UTY: variants seen among roughly 807,000 people sequenced by gnomAD.
The protein encoded by UTY is ubiquitously transcribed tetratricopeptide repeat containing, Y-linked.
In UTY, 12 loss-of-function variants were observed where a neutral mutation model predicts 32.5. The ratio of observed to expected loss-of-function variants is 0.37; its 90% CI spans 0.24 to 0.60. UTY has a LOEUF of 0.60. Ranked by LOEUF, UTY falls within the 20% of genes least tolerant of loss-of-function variation. UTY has a pLI of 0.69. For missense variants in UTY, 303 were observed against 299.2 expected (o/e 1.01, Z -0.09); for synonymous variants, 131 against 103.4 (o/e 1.27, Z -1.62).
Position 13,477,986 on chromosome Y carries a change from TTAC to T in UTY, c.216+1265_216+1267del, listed in dbSNP as rs1569514296. Among the ~76,000 whole-genome samples, 128 of 33,444 alleles carry T rather than the reference TTAC, an allele frequency of 3.8e-3. No homozygotes were observed. The East Asian group carries it at 0.097, about 25-fold the overall frequency. 89.7% of individuals were successfully genotyped at this position (33,444 alleles called of 37,273 possible). A position where few individuals can be genotyped will look rare whatever the true frequency, so the allele number is the denominator to read the frequency against. On this transcript the variant is annotated intron_variant, in intron 2 of 29. Transcript: ENST00000545955. The stretch of plus-strand genomic sequence containing the variant: ...TACACATTATACATACATATATATA[TTAC>T]ATTTTAGTTTTCTGATCAGTATTTG...
Position 13,359,754 on chromosome Y carries a change from T to C in UTY, c.1185+13A>G. 2.6e-6 allele frequency: 1 copy of C among 378,059 alleles called. No homozygotes were observed. Among genetic ancestry groups the C allele is most frequent in the Non-Finnish European group, 3.7e-6 (1 of 268,704 alleles). 94.3% of individuals were successfully genotyped at this position (378,059 alleles called of 400,897 possible). ...ATACGTGTCATTTAAAATATACTATTTAAAATTTTTACCTGTAGAAATTTA... is the reference window on the plus strand; with the variant it reads ...ATACGTGTCATTTAAAATATACTATCTAAAATTTTTACCTGTAGAAATTTA... On this transcript the variant is annotated intron_variant, in intron 12 of 29. Coordinates refer to ENST00000545955, the MANE Select transcript of UTY (RefSeq NM_001258249.2).
At chrY:13,383,580 CA>C (rs751638858) in intron 8 of UTY, among the ~76,000 whole-genome samples, 60 of 8,954 alleles carry the variant, frequency 6.7e-3, no homozygotes, top group African/African-American at 0.026. Context: ...AGACCCATCT[CA>C]AAAAAAAAAA....
chrY:13,286,545 A>G, intron 27 of UTY: 1 of 311,224 alleles, frequency 3.2e-6, no homozygotes. Flanking sequence ...CCAAAAATGT[A>G]ACCTTAAAAT....
intron 27 of UTY, among the ~76,000 whole-genome samples, chrY:13,270,604 A>G (rs2056240228): frequency 3.0e-5 from 1 of 32,897 alleles, no homozygotes; most frequent in Non-Finnish European, 7.5e-5. Context: ...AAATTTCAAC[A>G]TACTCTTTTT....
At chrY:13,273,833 T>C (rs968162775) in intron 27 of UTY, among the ~76,000 whole-genome samples, 15 of 31,364 alleles carry the variant, frequency 4.8e-4, no homozygotes, top group Admixed American at 2.1e-3. Context: ...ATATTATATA[T>C]AAAATTTTAA....
At chrY:13,253,908 C>T (rs911266159) in intron 28 of UTY, among the ~76,000 whole-genome samples, 1 of 32,592 alleles carries the variant, frequency 3.1e-5, no homozygotes, top group Admixed American at 2.8e-4. Flanking sequence ...ACTGGTCATG[C>T]GGGATGATGC....
intron 2 of UTY, among the ~76,000 whole-genome samples, chrY:13,476,659 C>A (rs1018797501): frequency 6.0e-5 from 2 of 33,420 alleles, no homozygotes; most frequent in African/African-American, 2.3e-4. Context: ...TATTTAAATA[C>A]GAGCAAGTTA....
At chrY:13,312,049 C>T in intron 21 of UTY, among the ~76,000 whole-genome samples, 1 of 33,553 alleles carries the variant, frequency 3.0e-5, no homozygotes, top group African/African-American at 1.2e-4. Context: ...AACAAATGAC[C>T]GCACTAAAAA....
At chrY:13,360,932 C>G in intron 10 of UTY, among the ~76,000 whole-genome samples, 1 of 33,183 alleles carries the variant, frequency 3.0e-5, no homozygotes, top group Non-Finnish European at 7.5e-5. Context: ...ATTTAATAGT[C>G]CCCTTCCACT....
At chrY:13,258,602 T>C (rs2054991925) in intron 28 of UTY, among the ~76,000 whole-genome samples, 1 of 33,966 alleles carries the variant, frequency 2.9e-5, no homozygotes, top group Non-Finnish European at 7.3e-5. Context: ...ATTTAAAACA[T>C]CCCAGGCACA....
At chrY:13,466,974 C>T (rs2077963687) in intron 3 of UTY, among the ~76,000 whole-genome samples, 1 of 34,266 alleles carries the variant, frequency 2.9e-5, no homozygotes, top group South Asian at 6.5e-4. Flanking sequence ...GGCACAATCT[C>T]AGCTCACTGC....
intron 5 of UTY, among the ~76,000 whole-genome samples, chrY:13,412,390 T>C: frequency 3.0e-5 from 1 of 33,329 alleles, no homozygotes; most frequent in South Asian, 6.6e-4. Context: ...TCTAAAATTA[T>C]GTATATTCCA....
intron 28 of UTY, among the ~76,000 whole-genome samples, chrY:13,258,433 A>G: frequency 5.9e-5 from 2 of 34,042 alleles, no homozygotes; most frequent in Non-Finnish European, 1.5e-4. Flanking sequence ...GTGGCACCTC[A>G]ACCTCAAATG....
intron 8 of UTY, among the ~76,000 whole-genome samples, chrY:13,389,033 G>A: frequency 6.3e-5 from 2 of 31,921 alleles, no homozygotes; most frequent in Non-Finnish European, 1.5e-4. Context: ...GACTAATAAA[G>A]CCATCCTAAG....
intron 2 of UTY, 188 bp downstream of exon 2, chrY:13,479,066 A>T: frequency 7.8e-6 from 1 of 128,174 alleles, no homozygotes. Flanking sequence ...TTTTTTCCTC[A>T]GAGTAGAAGG....
chrY:13,355,351 G>T lies in UTY; in HGVS notation c.1713C>A (p.Asn571Lys). The change falls in exon 17 of 30, where the codon AAC becomes AAA. Residue 571 changes from asparagine (N) to lysine (K), a missense_variant. Physicochemically the swap from Asn to Lys is moderately conservative, Grantham distance 94. Coordinates refer to ENST00000545955, the MANE Select transcript of UTY (RefSeq NM_001258249.2). ...VAQVRTTGIH[N>K]GAITDSSLPT... ...GCAGTGATGAATCAGTTATGGCCCC[G>T]TTATGAATTCCAGTAGTTCGTACCT... The T allele has an allele frequency of 2.5e-6, 1 of 398,466 alleles. No homozygotes were observed. The highest frequency in any genetic ancestry group is 3.5e-6 in the Non-Finnish European group (1 of 283,353).
chrY:13,315,582 T>G, intron 21 of UTY, among the ~76,000 whole-genome samples: 1 of 33,707 alleles, frequency 3.0e-5, no homozygotes, highest in Non-Finnish European at 7.4e-5. Flanking sequence ...CACTCCAGCC[T>G]GGGCAACAAG....
chrY:13,467,091 G>C (rs2077976253), intron 3 of UTY, among the ~76,000 whole-genome samples: 1 of 33,502 alleles, frequency 3.0e-5, no homozygotes, highest in Admixed American at 2.7e-4. Flanking sequence ...ATCTTTAGTA[G>C]AGACAGGGTT....
intron 28 of UTY, among the ~76,000 whole-genome samples, chrY:13,239,542 A>C: frequency 3.0e-5 from 1 of 33,755 alleles, no homozygotes; most frequent in Non-Finnish European, 7.4e-5. Flanking sequence ...GAAACTGTCT[A>C]AAGTCAATTA....
Sources: gnomAD v4.1 joint callset for allele counts (sites outside exome capture counted in the v4.1 genomes callset) on GRCh38, gnomAD v4.1.1 for gene constraint, MANE v1.5 for transcripts, NCBI Gene and HGNC (gene_info 2026-07-23, HGNC 2026-07-21) for gene names.